FANCD2OS: variants seen among roughly 807,000 people sequenced by gnomAD.
FANCD2OS encodes FANCD2 opposite strand, also known as FANCD2 opposite strand protein.
Under a neutral mutation model 13.2 loss-of-function variants are expected in FANCD2OS, and 11 were observed. That is an observed-to-expected ratio of 0.83 (90% CI 0.52 to 1.38). The LOEUF is 1.38. Ranked by LOEUF, FANCD2OS falls within the 40% of genes most tolerant of loss-of-function variation. The pLI is 0.00. For synonymous variants in FANCD2OS, 69 were observed against 84.5 expected (o/e 0.82, Z 1.01); for missense variants, 217 against 213.9 (o/e 1.01, Z -0.09).
intron 2 of FANCD2OS, chr3:10,088,328 G>A: frequency 2.6e-6 from 2 of 760,910 alleles, no homozygotes; most frequent in Non-Finnish European, 4.8e-6. Flanking sequence ...GTTAGACCGG[G>A]AACGTCTTAG....
At chr3:10,084,726 A>G (rs1694075687) in intron 2 of FANCD2OS, among the ~76,000 whole-genome samples, 1 of 152,250 alleles carries the variant, frequency 6.6e-6, no homozygotes, top group Admixed American at 6.5e-5. Context: ...AAGAATGACT[A>G]TCACTGGTGA....
intron 1 of FANCD2OS, among the ~76,000 whole-genome samples, chr3:10,105,199 A>G (rs1013827821): frequency 2.0e-5 from 3 of 152,204 alleles, no homozygotes; most frequent in Admixed American, 1.3e-4. Context: ...GATTACAAGT[A>G]TTGATCTGGC....
chr3:10,085,715 A>C (rs984990877), intron 2 of FANCD2OS: 2 of 843,194 alleles, frequency 2.4e-6, no homozygotes, highest in Admixed American at 3.4e-5. Context: ...CAAACCGTTA[A>C]ACTATTGATG....
chr3:10,086,201 C>T (rs1350545831), intron 2 of FANCD2OS, among the ~76,000 whole-genome samples: 1 of 152,194 alleles, frequency 6.6e-6, no homozygotes, highest in Non-Finnish European at 1.5e-5. Context: ...CTGTAATCAA[C>T]TCTTGATTAT....
chr3:10,090,437 T>G, intron 2 of FANCD2OS: 1 of 941,294 alleles, frequency 1.1e-6, no homozygotes. Context: ...TACTTGGAAG[T>G]TGCTGATTTT....
chr3:10,088,603 T>G (rs1694383387), intron 2 of FANCD2OS: 8 of 1,264,756 alleles, frequency 6.3e-6, no homozygotes, highest in Non-Finnish European at 9.3e-6. Flanking sequence ...CTACTGTTGT[T>G]TGTCAGAGAC....
rs774705850 is a variant in FANCD2OS at position 10,091,622 on chromosome 3, TAGC to T, written c.*44-10094_*44-10092del. Reference sequence around the variant, plus strand: ...ACAGGCTGGCTTACCTCATGCCAGTTAGCAGGAGGCAAACTGGGCAGTAGCCAA... The same window carrying T: ...ACAGGCTGGCTTACCTCATGCCAGTTAGGAGGCAAACTGGGCAGTAGCCAA... On this transcript the variant is annotated intron_variant, in intron 2 of 2. Transcript: ENST00000524279. Among the ~76,000 whole-genome samples, 272 of 152,028 alleles carry T rather than the reference TAGC, an allele frequency of 1.8e-3. 1 individual carries two copies. Among genetic ancestry groups the T allele is most frequent in the Non-Finnish European group, 3.2e-3 (215 of 67,984 alleles).
intron 2 of FANCD2OS, chr3:10,087,361 G>A (rs902006129): frequency 8.5e-7 from 1 of 1,182,720 alleles, no homozygotes; most frequent in Non-Finnish European, 1.2e-6. Context: ...ATTTTTACAT[G>A]TAAATCCCCA....
Position 10,104,318 on chromosome 3 carries a change from T to G in FANCD2OS, c.457A>C (p.Lys153Gln). The G allele has an allele frequency of 6.2e-7, 1 of 1,614,224 alleles. No homozygotes were observed. Among genetic ancestry groups the G allele is most frequent in the Non-Finnish European group, 8.5e-7 (1 of 1,180,032 alleles). ...PQIQMTVTMC[K>Q]QMLRSILLLY... The stretch of plus-strand genomic sequence containing the variant: ...AAGAGGATAGAGCGCAGCATCTGTT[T>G]GCACATAGTGACTGTCATCTGAATC... Residue 153 changes from lysine (K) to glutamine (Q), a missense_variant, in exon 2 of 2, where the codon AAA (lysine) becomes CAA (glutamine). Transcript: ENST00000450660.
chr3:10,092,257 G>A lies in FANCD2OS; in HGVS notation c.*44-10726C>T, dbSNP rs532389664. 8 of 1,604,986 alleles carry A rather than the reference G, an allele frequency of 5.0e-6. No homozygotes were observed. Among genetic ancestry groups the A allele is most frequent in the South Asian group, 4.4e-5 (4 of 90,860 alleles). On this transcript the variant is annotated intron_variant, in intron 2 of 2. Transcript: ENST00000524279. Reference sequence around the variant, plus strand: ...ATCCTCATCAACTTGATAAAGGTGAGTATGGAGACTGCTTGACACATCTCA... The same window carrying A: ...ATCCTCATCAACTTGATAAAGGTGAATATGGAGACTGCTTGACACATCTCA...
At chr3:10,083,967 A>G (rs558229197) in intron 2 of FANCD2OS, among the ~76,000 whole-genome samples, 17 of 150,960 alleles carry the variant, frequency 1.1e-4, no homozygotes, top group African/African-American at 3.4e-4. Flanking sequence ...GTGGTTTTAC[A>G]TAGTATATTC....
chr3:10,084,290 C>CT (rs112071263), intron 2 of FANCD2OS, among the ~76,000 whole-genome samples: 5,597 of 142,794 alleles, frequency 0.039, 397 homozygotes, highest in African/African-American at 0.14. Flanking sequence ...CTACACCTGG[C>CT]TTTTTTTTTT....
At chr3:10,089,855 A>T (rs1426796566) in intron 2 of FANCD2OS, among the ~76,000 whole-genome samples, 1 of 152,208 alleles carries the variant, frequency 6.6e-6, no homozygotes, top group Non-Finnish European at 1.5e-5. Flanking sequence ...TAGTTATCTT[A>T]ACATTTGTAG....
At position 10,085,710 on chromosome 3, in the gene FANCD2OS, C is replaced by T. The variant is rs1236469981; in HGVS notation, c.*44-4179G>A. ...CGACCTCTCAATTCTTTTTTCAAAC[C>T]GTTAAACTATTGATGGTACAGACTG... On this transcript the variant is annotated intron_variant, in intron 2 of 2. Coordinates refer to the FANCD2OS transcript ENST00000524279. 14 of 828,796 alleles carry T rather than the reference C, an allele frequency of 1.7e-5. 1 individual carries two copies. The Middle Eastern group carries it at 7.6e-4, about 45-fold the overall frequency. 51.3% of individuals were successfully genotyped at this position (828,796 alleles called of 1,614,324 possible). A position where few individuals can be genotyped will look rare whatever the true frequency, so the allele number is the denominator to read the frequency against.
At chr3:10,090,784 G>A (rs943879739) in intron 2 of FANCD2OS, among the ~76,000 whole-genome samples, 1 of 151,986 alleles carries the variant, frequency 6.6e-6, no homozygotes, top group Non-Finnish European at 1.5e-5. Context: ...CTATGTCTTG[G>A]GTCCAAGTTT....
intron 2 of FANCD2OS, among the ~76,000 whole-genome samples, chr3:10,089,374 CA>C (rs1694443645): frequency 1.3e-5 from 2 of 152,116 alleles, no homozygotes; most frequent in Non-Finnish European, 2.9e-5. Context: ...CTGATACAGA[CA>C]GTAGATATAA....
At chr3:10,090,436 G>A in intron 2 of FANCD2OS, 4 of 597,874 alleles carry the variant, frequency 6.7e-6, no homozygotes, top group Non-Finnish European at 5.7e-6. Context: ...TTACTTGGAA[G>A]TTGCTGATTT....
chr3:10,085,495 G>T (rs540430464), intron 2 of FANCD2OS, among the ~76,000 whole-genome samples: 12 of 151,090 alleles, frequency 7.9e-5, no homozygotes, highest in African/African-American at 2.7e-4. Context: ...GAGTTCTAGC[G>T]ATTCTTCTGC....
intron 2 of FANCD2OS, among the ~76,000 whole-genome samples, chr3:10,082,508 C>T (rs1370869225): frequency 6.6e-6 from 1 of 152,148 alleles, no homozygotes; most frequent in African/African-American, 2.4e-5. Context: ...CTTACCTAGC[C>T]TCTAGGTCTT....
Sources: gnomAD v4.1 joint callset for allele counts (sites outside exome capture counted in the v4.1 genomes callset) on GRCh38, gnomAD v4.1.1 for gene constraint, MANE v1.5 for transcripts, NCBI Gene and HGNC (gene_info 2026-07-23, HGNC 2026-07-21) for gene names.